Variants in LRP2 observed in about 807,000 individuals in gnomAD.
LRP2 encodes the protein low-density lipoprotein receptor-related protein 2.
Under a neutral mutation model 531.0 loss-of-function variants are expected in LRP2, and 172 were observed. The ratio of observed to expected loss-of-function variants is 0.32; its 90% confidence interval spans 0.29 to 0.37. LRP2 has a LOEUF of 0.37. Ranked by LOEUF, LRP2 falls within the 10% of genes least tolerant of loss-of-function variation. The pLI is 1.00. For missense variants in LRP2, 5,167 were observed against 5,868.3 expected, an observed-to-expected ratio of 0.88 and a Z score of 3.90; for synonymous variants, 1,992 against 2,027.6, an observed-to-expected ratio of 0.98 and a Z score of 0.47.
chr2:169,206,812 G>C lies in LRP2; in HGVS notation c.6908C>G (p.Ala2303Gly). The C allele has an allele frequency of 1.2e-6, 2 of 1,614,096 alleles. No individual in the cohort carries two copies. The highest frequency in any genetic ancestry group is 1.7e-6 in the Non-Finnish European group (2 of 1,180,008). ...CTCTGTGTTCTCTGGTTCCTTGCTG[G>C]CTTGGAAGATCTTTTTCAAATTCCT... ...VDRNLKKIFQ[A>G]SKEPENTEPP... The change falls in exon 39 of 79, where the codon GCC becomes GGC. Residue 2303 changes from alanine to glycine, a missense_variant. Physicochemically the swap from Ala to Gly is moderately conservative, Grantham distance 60. This residue lies in a region of LRP2 where 2,811 missense variants were observed against 3,058.0 expected (regional missense o/e 0.92). Transcript: ENST00000649046.
In LRP2 at chr2:169,239,323, T is replaced by C. The variant is rs559614311; in HGVS notation, c.4294+204A>G. ...ATTGACTTGTATATGTTTTAACCTC[T>C]ATTTTCCAAAATACACCAGGATTTT... On this transcript the variant is annotated intron_variant, in intron 26 of 78. Transcript: ENST00000649046. Among the ~76,000 whole-genome samples, 5 of 152,334 alleles carry C rather than the reference T, an allele frequency of 3.3e-5. No individual in the cohort carries two copies. The South Asian group carries it at 1.0e-3, about 32-fold the overall frequency.
Position 169,362,302 on chromosome 2 carries a change from G to T in LRP2, c.79+19C>A, listed in dbSNP as rs1314025069. The T allele has an allele frequency of 1.3e-6, 2 of 1,546,768 alleles. No homozygotes were observed. The highest frequency in any genetic ancestry group is 1.9e-5 in the Admixed American group (1 of 51,556). ...CGGGGAAGTGGGGGCTCCACGAGAGGCTCTGGCTGGGCTCTTACCTTGGCC... is the reference window on the plus strand; with the variant it reads ...CGGGGAAGTGGGGGCTCCACGAGAGTCTCTGGCTGGGCTCTTACCTTGGCC... On this transcript the variant is annotated intron_variant, in intron 1 of 78. Coordinates refer to ENST00000649046, the MANE Select transcript of LRP2 (RefSeq NM_004525.3).
At chr2:169,241,620 C>A (rs1574170458) in intron 24 of LRP2, among the ~76,000 whole-genome samples, 1 of 152,118 alleles carries the variant, frequency 6.6e-6, no homozygotes, top group African/African-American at 2.4e-5. Flanking sequence ...CAGATGAGTA[C>A]CTGTGTCAAA....
intron 68 of LRP2, among the ~76,000 whole-genome samples, chr2:169,148,077 T>C (rs151031928): frequency 2.6e-5 from 4 of 152,400 alleles, no homozygotes; most frequent in African/African-American, 7.2e-5. Context: ...TAAATTCTAC[T>C]GACGAATGTG....
chr2:169,149,836 CA>C (rs1036053108), intron 68 of LRP2, among the ~76,000 whole-genome samples: 5 of 146,704 alleles, frequency 3.4e-5, no homozygotes, highest in Admixed American at 2.7e-4. Flanking sequence ...ACTCCATCTC[CA>C]AAAAAATTAA....
In LRP2 at chr2:169,193,812, C is replaced by T. The variant is rs1159426211; in HGVS notation, c.8779G>A (p.Gly2927Ser). 7 of 1,614,034 alleles carry T rather than the reference C, an allele frequency of 4.3e-6. No individual in the cohort carries two copies. Among genetic ancestry groups the T allele is most frequent in the African/African-American group, 1.3e-5 (1 of 74,912 alleles). The change falls in exon 47 of 79, where the codon GGT (glycine) becomes AGT (serine). Residue 2927 changes from glycine (G) to serine (S), a missense_variant. Gly to Ser is a moderately conservative substitution (Grantham distance 56). Around this residue, in one of 6 missense-constraint regions of LRP2, gnomAD observed 1,129 missense variants for 1,362.7 expected, o/e 0.83. Coordinates refer to ENST00000649046, the MANE Select transcript of LRP2 (RefSeq NM_004525.3). Reference protein sequence around the residue: ...RCIPSEWICDGDNDCGDMSDE... With the variant: ...RCIPSEWICDSDNDCGDMSDE... ...CTCATATCCCCACAGTCATTATCAC[C>T]GTCACAGATCCATTCGCTTGGGATG...
At chr2:169,238,907 T>C (rs1689703207) in intron 26 of LRP2, among the ~76,000 whole-genome samples, 1 of 152,142 alleles carries the variant, frequency 6.6e-6, no homozygotes, top group African/African-American at 2.4e-5. Context: ...GGTCACATTC[T>C]AAAAAGGAAG....
rs1416470996 is a variant in LRP2, at chr2:169,294,107, C to A, written c.652+41G>T. ...AAAACAAAACCGAAACAAAACAAAA[C>A]ACTCCCAACAACATGACCCAGCATA... On this transcript the variant is annotated intron_variant, in intron 6 of 78. Transcript: ENST00000649046. 8 of 1,387,484 alleles carry A rather than the reference C, an allele frequency of 5.8e-6. No homozygotes were observed. In the African/African-American group the frequency reaches 1.1e-4, roughly 20 times the overall value. The allele number at this position is 1,387,484 out of a possible 1,614,324, so 85.9% of individuals were successfully genotyped here.
chr2:169,274,353 G>C (rs1683497397), intron 14 of LRP2, among the ~76,000 whole-genome samples: 1 of 152,174 alleles, frequency 6.6e-6, no homozygotes, highest in South Asian at 2.1e-4. Flanking sequence ...GGAAGCCGGG[G>C]CAGGAGGATC....
At chr2:169,251,705 G>A (rs2105400251) in intron 19 of LRP2, among the ~76,000 whole-genome samples, 2 of 84,458 alleles carry the variant, frequency 2.4e-5, no homozygotes, top group East Asian at 3.1e-4. Flanking sequence ...TCCAGGAGCT[G>A]GTTTTTTGAA....
intron 28 of LRP2, among the ~76,000 whole-genome samples, chr2:169,236,746 T>C (rs1453514994): frequency 1.4e-4 from 22 of 152,194 alleles, no homozygotes; most frequent in Admixed American, 1.4e-3. Flanking sequence ...TTTTGTTGTA[T>C]AATCATGAGT....
intron 44 of LRP2, among the ~76,000 whole-genome samples, chr2:169,200,802 A>G (rs1293700511): frequency 1.3e-5 from 2 of 152,200 alleles, no homozygotes; most frequent in Non-Finnish European, 2.9e-5. Context: ...GAGCCCATTC[A>G]TAACTCTTAA....
chr2:169,184,750 T>A (rs1559001953), intron 50 of LRP2, among the ~76,000 whole-genome samples: 2 of 129,200 alleles, frequency 1.5e-5, no homozygotes, highest in South Asian at 5.9e-4. Flanking sequence ...GTATTGGTTG[T>A]TTTTTTTGTT....
intron 1 of LRP2, among the ~76,000 whole-genome samples, chr2:169,330,864 AC>A (rs1404786330): frequency 7.2e-5 from 11 of 152,186 alleles, no homozygotes; most frequent in South Asian, 2.1e-4. Flanking sequence ...AAAAAAAAAA[AC>A]ATAATACATT....
intron 59 of LRP2, 52 bp from the exon 60 acceptor site, chr2:169,169,870 T>C (rs1282924770): frequency 3.2e-6 from 4 of 1,241,440 alleles, no homozygotes; most frequent in East Asian, 4.6e-5. Flanking sequence ...TTCAGACAGA[T>C]ATTAGGTACC....
At chr2:169,216,534 C>G in intron 34 of LRP2, 104 bp from the exon 35 acceptor site, 1 of 1,121,886 alleles carries the variant, frequency 8.9e-7, no homozygotes. Flanking sequence ...GCTCACAATA[C>G]AATGGGCAAA....
chr2:169,314,302 T>G (rs1309722911), intron 3 of LRP2, among the ~76,000 whole-genome samples: 3 of 152,006 alleles, frequency 2.0e-5, no homozygotes, highest in Admixed American at 6.6e-5. Flanking sequence ...TCGTAGCTAT[T>G]TGGAAGGCTG....
In LRP2 at chr2:169,213,863, C is replaced by T; in HGVS notation, c.5834G>A (p.Arg1945Lys). 1.9e-6 allele frequency: 3 copies of T among 1,612,146 alleles called. No individual in the cohort carries two copies. Among genetic ancestry groups the T allele is most frequent in the Non-Finnish European group, 1.7e-6 (2 of 1,178,438 alleles). Residue 1945 changes from arginine (R) to lysine (K), a missense_variant, in exon 36 of 79, where the codon AGA becomes AAA. This residue lies in a region of LRP2 where 2,811 missense variants were observed against 3,058.0 expected (regional missense o/e 0.92). Transcript: ENST00000649046. ...TCGATCTGTTCCATCCACGTTTCCT[C>T]TTTCAATCTAAAGGATTGGAATTTT... ...WAVTGRGVIERGNVDGTDRMI... is the reference protein window; with the variant it reads ...WAVTGRGVIEKGNVDGTDRMI...
chr2:169,157,512 A>C lies in LRP2; in HGVS notation c.11888-10T>G. 1 of 1,612,266 alleles carries C rather than the reference A, an allele frequency of 6.2e-7. No homozygotes were observed. The highest frequency in any genetic ancestry group is 1.1e-5 in the South Asian group (1 of 91,052). Reference sequence around the variant, plus strand: ...CTTTCTTTTCCTTTATCTGAAAAACAAAATCCCAGCATTACAAACCAGATC... The same window carrying C: ...CTTTCTTTTCCTTTATCTGAAAAACCAAATCCCAGCATTACAAACCAGATC... On this transcript the variant is annotated splice_polypyrimidine_tract_variant and intron_variant, in intron 63 of 78. Transcript: ENST00000649046.
Sources: gnomAD v4.1 joint callset for allele counts (sites outside exome capture counted in the v4.1 genomes callset) on GRCh38, gnomAD v4.1.1 for gene constraint, gnomAD v4.1.1 regional missense constraint, MANE v1.5 for transcripts, NCBI Gene and HGNC (gene_info 2026-07-23, HGNC 2026-07-21) for gene names.